ME1: variants seen among roughly 807,000 people sequenced by gnomAD.
ME1 encodes the protein malic enzyme 1.
A neutral mutation model predicts 66.4 loss-of-function variants in ME1; 74 were observed. The ratio of observed to expected loss-of-function variants is 1.11; its 90% CI spans 0.92 to 1.35. ME1 has a LOEUF of 1.35. Among genes scored for constraint, ME1 ranks in the 40% most tolerant of loss-of-function variants. The probability of loss-of-function intolerance (pLI) is 0.00; values close to 1 mark genes in which losing one functional copy is unlikely to be tolerated. For synonymous variants in ME1, 251 were observed against 235.6 expected, an observed-to-expected ratio of 1.07 and a Z score of -0.60; for missense variants, 750 against 694.1, an observed-to-expected ratio of 1.08 and a Z score of -0.90.
chr6:83,420,502 G>C (rs912825768), intron 1 of ME1, among the ~76,000 whole-genome samples: 1 of 152,162 alleles, frequency 6.6e-6, no homozygotes, highest in Non-Finnish European at 1.5e-5. Context: ...TAATTAAGCT[G>C]TATCTTAGTT....
chr6:83,280,103 G>T (rs1480754101), intron 6 of ME1, among the ~76,000 whole-genome samples: 1 of 152,184 alleles, frequency 6.6e-6, no homozygotes, highest in East Asian at 1.9e-4. Context: ...CTGCCTTGCA[G>T]TAATATTAAA....
chr6:83,300,610 CTTTTTTT>C (rs35205380), intron 6 of ME1, among the ~76,000 whole-genome samples: 14 of 84,966 alleles, frequency 1.6e-4, no homozygotes, highest in African/African-American at 2.3e-4. Context: ...TTCTTTCTTT[CTTTTTTT>C]TTTTTTTTTT....
chr6:83,259,973 T>G (rs1176327955), intron 6 of ME1, among the ~76,000 whole-genome samples: 1 of 152,180 alleles, frequency 6.6e-6, no homozygotes, highest in Non-Finnish European at 1.5e-5. Flanking sequence ...TAAATTTATA[T>G]CTCTGCTGCT....
intron 3 of ME1, among the ~76,000 whole-genome samples, chr6:83,383,014 C>T (rs1769436050): frequency 6.6e-6 from 1 of 151,818 alleles, no homozygotes; most frequent in Non-Finnish European, 1.5e-5. Flanking sequence ...AAAGACTGAC[C>T]TCCCCCGAAA....
Position 83,211,954 on chromosome 6 carries a change from C to T in ME1, c.1689G>A (p.Val563=), listed in dbSNP as rs1789896878. The T allele has an allele frequency of 1.2e-6, 2 of 1,603,968 alleles. No homozygotes were observed. Among genetic ancestry groups the T allele is most frequent in the Admixed American group, 1.7e-5 (1 of 59,434 alleles). ...LPDCYSWPEE[V]QKIQTKVDQ is the part of the protein sequence containing the mutation. ...GGTCAACTTTGGTCTGTATTTTCTG[C>T]ACCTCTTCAGGCCAAGAATAACAAT... The change falls in exon 14 of 14, where the codon GTG becomes GTA. Residue 563 remains valine (V), a synonymous_variant. Transcript: ENST00000369705.
chr6:83,325,816 A>G (rs1381388920), intron 5 of ME1, among the ~76,000 whole-genome samples: 1 of 152,084 alleles, frequency 6.6e-6, no homozygotes, highest in East Asian at 1.9e-4. Flanking sequence ...ATTCAATGTT[A>G]TTCCCATCAA....
At position 83,310,520 on chromosome 6, in the gene ME1, T is replaced by C. The variant is rs146891853; in HGVS notation, c.704+4790A>G. Reference sequence around the variant, plus strand: ...TAATCTTGGAATAGTCTGAGAAAGCTGGTAATAAGATGGGGCTTTGGCACT... The same window carrying C: ...TAATCTTGGAATAGTCTGAGAAAGCCGGTAATAAGATGGGGCTTTGGCACT... On this transcript the variant is annotated intron_variant, in intron 6 of 13. Transcript: ENST00000369705. Among the ~76,000 whole-genome samples, 382 of 152,284 alleles carry C rather than the reference T, an allele frequency of 2.5e-3. 3 individuals carry two copies. The highest frequency in any genetic ancestry group is 8.4e-3 in the African/African-American group (347 of 41,550).
In ME1 at chr6:83,393,914, C is replaced by T. The variant is rs574331078; in HGVS notation, c.362+4453G>A. ...TAAGGAAAATACTGTAGGTTTCTTG[C>T]CTTTAGTAAGGCAAGAAATAGTTTA... On this transcript the variant is annotated intron_variant, in intron 3 of 13. Transcript: ENST00000369705. Among the ~76,000 whole-genome samples, 13 of 151,924 alleles carry T rather than the reference C, an allele frequency of 8.6e-5. No individual in the cohort carries two copies. In the South Asian group the frequency reaches 2.7e-3, roughly 32 times the overall value.
At chr6:83,412,113 A>T (rs934472478) in intron 1 of ME1, among the ~76,000 whole-genome samples, 1 of 152,202 alleles carries the variant, frequency 6.6e-6, no homozygotes, top group African/African-American at 2.4e-5. Flanking sequence ...GTCCTGAGTA[A>T]TTTATCAGAA....
intron 4 of ME1, among the ~76,000 whole-genome samples, chr6:83,349,814 C>A (rs1768763666): frequency 6.6e-6 from 1 of 152,148 alleles, no homozygotes; most frequent in African/African-American, 2.4e-5. Context: ...CTTAATTCCA[C>A]TATATTCCAA....
intron 2 of ME1, among the ~76,000 whole-genome samples, chr6:83,406,602 A>C (rs1367100934): frequency 6.6e-6 from 1 of 152,148 alleles, no homozygotes; most frequent in Non-Finnish European, 1.5e-5. Flanking sequence ...TCAACGTACG[A>C]ATTTGCAGGG....
intron 1 of ME1, among the ~76,000 whole-genome samples, chr6:83,417,156 C>T (rs1310938866): frequency 6.6e-6 from 1 of 152,066 alleles, no homozygotes; most frequent in Non-Finnish European, 1.5e-5. Context: ...CTCAAGCAAT[C>T]CTCTTGCCTT....
chr6:83,334,091 G>A lies in ME1; in HGVS notation c.600+12082C>T, dbSNP rs540970589. Among the ~76,000 whole-genome samples the A allele has an allele frequency of 5.8e-4, 89 of 152,248 alleles. 1 individual carries two copies. Among genetic ancestry groups the A allele is most frequent in the Middle Eastern group, 3.4e-3 (1 of 294 alleles). On this transcript the variant is annotated intron_variant, in intron 5 of 13. Transcript: ENST00000369705. ...CACTAGGGAGTGCCAGACAGTGGGCGCAGGCCAGTGTGTGCGTGCACCGTG... is the reference window on the plus strand; with the variant it reads ...CACTAGGGAGTGCCAGACAGTGGGCACAGGCCAGTGTGTGCGTGCACCGTG...
chr6:83,324,482 T>TA (rs1266171616), intron 5 of ME1, among the ~76,000 whole-genome samples: 1 of 150,046 alleles, frequency 6.7e-6, no homozygotes, highest in African/African-American at 2.5e-5. Context: ...ATAGAAACAA[T>TA]AAAAAAATGA....
chr6:83,223,761 TCAG>T lies in ME1; in HGVS notation c.1445_1447del (p.Ala482del). ...TAAACTTAGAGGATTTTACAATACC[TCAG>T]CAGTAGTGAGGAAAATATTATCTGT... On this transcript the variant is annotated inframe_deletion and splice_region_variant, in exon 12 of 14. Coordinates refer to ENST00000369705, the MANE Select transcript of ME1 (RefSeq NM_002395.6). 1 of 1,613,374 alleles carries T rather than the reference TCAG, an allele frequency of 6.2e-7. No individual in the cohort carries two copies. The highest frequency in any genetic ancestry group is 8.5e-7 in the Non-Finnish European group (1 of 1,179,604).
chr6:83,365,759 T>G (rs912558867), intron 3 of ME1, among the ~76,000 whole-genome samples: 6 of 152,212 alleles, frequency 3.9e-5, no homozygotes, highest in Non-Finnish European at 7.3e-5. Context: ...CACTTTCATT[T>G]GCTCCAAAGA....
intron 3 of ME1, among the ~76,000 whole-genome samples, chr6:83,390,429 C>A (rs1268108798): frequency 2.0e-5 from 3 of 152,100 alleles, no homozygotes; most frequent in African/African-American, 7.2e-5. Context: ...AAATAAAATT[C>A]ATCTATATGC....
At chr6:83,374,719 A>G (rs1455091481) in intron 3 of ME1, among the ~76,000 whole-genome samples, 5 of 152,116 alleles carry the variant, frequency 3.3e-5, no homozygotes, top group African/African-American at 1.2e-4. Flanking sequence ...TAGAGTTTTC[A>G]TGGTTTTTGG....
intron 6 of ME1, among the ~76,000 whole-genome samples, chr6:83,314,771 A>G (rs1006409618): frequency 1.3e-5 from 2 of 152,192 alleles, no homozygotes; most frequent in African/African-American, 4.8e-5. Context: ...TTAATCAAAT[A>G]TTATAGATTT....
Sources: allele counts gnomAD v4.1 joint callset (sites outside exome capture counted in the v4.1 genomes callset), GRCh38; gene constraint gnomAD v4.1.1; transcripts MANE v1.5; gene names NCBI Gene and HGNC (gene_info 2026-07-23, HGNC 2026-07-21).